Variants in PHLDB1 observed in about 807,000 individuals in gnomAD.
The protein encoded by PHLDB1 is pleckstrin homology-like domain family B member 1.
In PHLDB1, 65 loss-of-function variants were observed where a neutral mutation model predicts 139.3. That is an observed-to-expected ratio of 0.47 (90% CI 0.38 to 0.57). The LOEUF (loss-of-function observed/expected upper bound fraction) is 0.57, where lower values mean the gene tolerates loss of function less well. Ranked by LOEUF, PHLDB1 falls within the 20% of genes least tolerant of loss-of-function variation. The pLI, the probability that PHLDB1 is intolerant of heterozygous loss-of-function variation, is 0.00. For missense variants in PHLDB1, 1,624 were observed against 1,839.7 expected (o/e 0.88, Z 2.14); for synonymous variants, 679 against 734.5 (o/e 0.92, Z 1.22).
At chr11:118,624,582 C>A in intron 4 of PHLDB1, 1 of 214,368 alleles carries the variant, frequency 4.7e-6, no homozygotes, top group Non-Finnish European at 8.7e-6. Flanking sequence ...TTCTCTCTTT[C>A]TTCCTTTCTT....
At chr11:118,630,382 A>G (rs1314757088) in intron 6 of PHLDB1, among the ~76,000 whole-genome samples, 1 of 152,206 alleles carries the variant, frequency 6.6e-6, no homozygotes, top group Non-Finnish European at 1.5e-5. Flanking sequence ...GTACTCACTC[A>G]TGGGCCTGGG....
Position 118,655,905 on chromosome 11 carries a change from A to G in PHLDB1, c.3993+13A>G. 6.2e-7 allele frequency: 1 copy of G among 1,603,040 alleles called. No individual in the cohort carries two copies. Among genetic ancestry groups the G allele is most frequent in the Non-Finnish European group, 8.5e-7 (1 of 1,170,082 alleles). ...TATGGTGACTGAGGTACCCCTCCCC[A>G]CTTAGCTGTAACCAGCACATTAACA... is the stretch of plus-strand genomic sequence containing the variant. On this transcript the variant is annotated intron_variant, in intron 22 of 22. Coordinates refer to ENST00000600882, the MANE Select transcript of PHLDB1 (RefSeq NM_001144758.3).
chr11:118,642,704 A>G (rs1382536629), intron 13 of PHLDB1, among the ~76,000 whole-genome samples: 1 of 152,196 alleles, frequency 6.6e-6, no homozygotes, highest in African/African-American at 2.4e-5. Context: ...GGTCTGGCCT[A>G]TGCTTGGCAG....
At chr11:118,638,692 G>A (rs1328073781) in intron 10 of PHLDB1, among the ~76,000 whole-genome samples, 199 bp from the exon 11 acceptor site, 2 of 152,172 alleles carry the variant, frequency 1.3e-5, no homozygotes, top group Non-Finnish European at 2.9e-5. Flanking sequence ...AGGGGTCATT[G>A]GTCAAGGGAG....
At position 118,643,900 on chromosome 11, in the gene PHLDB1, A is replaced by G. The variant is rs1052857657; in HGVS notation, c.2978A>G (p.Gln993Arg). The G allele has an allele frequency of 6.2e-7, 1 of 1,607,636 alleles. No individual in the cohort carries two copies. The highest frequency in any genetic ancestry group is 1.3e-5 in the African/African-American group (1 of 74,086). ...SSSGSSSSSS[Q>R]LSVATLGRSP... ...TCTGGCTCTTCCTCCTCCTCCTCCC[A>G]GCTCAGCGTGGCTACCCTGGGGCGT... Residue 993 changes from glutamine to arginine, a missense_variant, in exon 14 of 23, where the codon CAG (glutamine) becomes CGG (arginine). Coordinates refer to ENST00000600882, the MANE Select transcript of PHLDB1 (RefSeq NM_001144758.3).
intron 4 of PHLDB1, among the ~76,000 whole-genome samples, chr11:118,617,488 C>T (rs1555090704): frequency 2.0e-5 from 3 of 151,820 alleles, no homozygotes; most frequent in African/African-American, 2.4e-5. Context: ...TTTTTTGATA[C>T]GGAGTCTCAC....
At chr11:118,612,247 AG>A (rs1940589363) in intron 1 of PHLDB1, among the ~76,000 whole-genome samples, 1 of 152,222 alleles carries the variant, frequency 6.6e-6, no homozygotes, top group South Asian at 2.1e-4. Flanking sequence ...AAATAAAGTC[AG>A]GGTAGAATTT....
rs1167241328 is a variant in PHLDB1, at chr11:118,627,285, A to T, written c.482-20A>T. On this transcript the variant is annotated intron_variant, in intron 5 of 22. Coordinates refer to ENST00000600882, the MANE Select transcript of PHLDB1 (RefSeq NM_001144758.3). ...CATATGCAGCTCCCTAAAGTCAAAG[A>T]CCTTTGCATTTCCCTCCAGCAGAAT... 6.2e-7 allele frequency: 1 copy of T among 1,611,350 alleles called. No individual in the cohort carries two copies. Among genetic ancestry groups the T allele is most frequent in the African/African-American group, 1.3e-5 (1 of 74,708 alleles).
In PHLDB1 at chr11:118,616,076, T is replaced by C. The variant is rs782549042; in HGVS notation, c.220T>C (p.Ser74Pro). The change falls in exon 4 of 23, where the codon TCA becomes CCA. Residue 74 changes from serine (S) to proline (P), a missense_variant. By Grantham distance (74) the Ser-to-Pro change is moderately conservative. Coordinates refer to ENST00000600882, the MANE Select transcript of PHLDB1 (RefSeq NM_001144758.3). ...GATTGGCTCTGCAGCCAGAGACATCTCACTACAGGGCCCAGGCCTGGCTCC... is the reference window on the plus strand; with the variant it reads ...GATTGGCTCTGCAGCCAGAGACATCCCACTACAGGGCCCAGGCCTGGCTCC... Reference protein sequence around the residue: ...TVIGSAARDISLQGPGLAPEH... With the variant: ...TVIGSAARDIPLQGPGLAPEH... 6.2e-7 allele frequency: 1 copy of C among 1,614,034 alleles called. No homozygotes were observed. The highest frequency in any genetic ancestry group is 1.1e-5 in the South Asian group (1 of 91,086).
chr11:118,644,439 G>C, intron 15 of PHLDB1: 1 of 513,356 alleles, frequency 1.9e-6, no homozygotes, highest in South Asian at 2.1e-5. Context: ...GTTGACCTGA[G>C]TCGGGTTAGA....
intron 1 of PHLDB1, among the ~76,000 whole-genome samples, chr11:118,607,966 C>G (rs45578540): frequency 2.4e-4 from 37 of 152,144 alleles, no homozygotes; most frequent in Non-Finnish European, 3.7e-4. Flanking sequence ...TGACGCTCTC[C>G]CCCCCTTGGA....
chr11:118,628,199 C>T lies in PHLDB1; in HGVS notation c.1376C>T (p.Pro459Leu), dbSNP rs781967890. The change falls in exon 6 of 23, where the codon CCC (proline) becomes CTC (leucine). Residue 459 changes from proline to leucine, a missense_variant. Coordinates refer to ENST00000600882, the MANE Select transcript of PHLDB1 (RefSeq NM_001144758.3). ...RGLDSMRELP[P>L]LSPSLSRRAL... is the part of the protein sequence containing the mutation. The stretch of plus-strand genomic sequence containing the variant: ...CTGGACAGTATGCGAGAACTACCCC[C>T]CTTAAGTCCATCTCTGTCCCGGCGA... 8 of 1,613,980 alleles carry T rather than the reference C, an allele frequency of 5.0e-6. No individual in the cohort carries two copies. In the African/African-American group the frequency reaches 6.7e-5, roughly 13 times the overall value.
chr11:118,640,406 C>T (rs1946322786), intron 12 of PHLDB1: 1 of 152,262 alleles, frequency 6.6e-6, no homozygotes, highest in African/African-American at 2.4e-5. Flanking sequence ...ACCATGCTCC[C>T]AGCACCCAGA....
At chr11:118,655,807 G>GAGGC in intron 21 of PHLDB1, 53 bp from the exon 22 acceptor site, 1 of 1,564,912 alleles carries the variant, frequency 6.4e-7, no homozygotes, top group Non-Finnish European at 8.8e-7. Context: ...CTCCAACCCA[G>GAGGC]TCCTTGTTCT....
chr11:118,610,711 G>A lies in PHLDB1; in HGVS notation c.-22+3012G>A, dbSNP rs1031005645. ...CCCTTCCTTGGCCTCCTTCAGGCGG[G>A]GGCCAAGACCCCCGAGAGTTCACTC... On this transcript the variant is annotated intron_variant, in intron 1 of 22. Transcript: ENST00000600882. This position sits in a 1 kb window ranked among gnomAD's most constrained non-coding sequence, Gnocchi z 8.7. Among the ~76,000 whole-genome samples, 3 of 152,226 alleles carry A rather than the reference G, an allele frequency of 2.0e-5. No individual in the cohort carries two copies. Among genetic ancestry groups the A allele is most frequent in the Non-Finnish European group, 4.4e-5 (3 of 68,034 alleles).
In PHLDB1 at chr11:118,616,091, G is replaced by A. The variant is rs782561836; in HGVS notation, c.235G>A (p.Gly79Ser). 6.2e-7 allele frequency: 1 copy of A among 1,614,138 alleles called. No homozygotes were observed. The highest frequency in any genetic ancestry group is 1.7e-5 in the Admixed American group (1 of 60,028). ...AARDISLQGP[G>S]LAPEHCYIEN... ...CAGAGACATCTCACTACAGGGCCCA[G>A]GCCTGGCTCCAGAGCACTGCTACAT... Residue 79 changes from glycine to serine, a missense_variant, in exon 4 of 23, where the codon GGC becomes AGC. Physicochemically the swap from Gly to Ser is moderately conservative, Grantham distance 56. Transcript: ENST00000600882.
At chr11:118,651,144 A>G (rs1364882980) in intron 20 of PHLDB1, 1 of 153,790 alleles carries the variant, frequency 6.5e-6, no homozygotes, top group African/African-American at 2.4e-5. Flanking sequence ...ATGCTGTGTT[A>G]TACCCTAGTC....
rs369864328 is a variant in PHLDB1, at chr11:118,645,672, G to A, written c.3416+22G>A. The A allele has an allele frequency of 1.5e-4, 239 of 1,613,144 alleles. No homozygotes were observed. Among genetic ancestry groups the A allele is most frequent in the Non-Finnish European group, 1.9e-4 (221 of 1,179,300 alleles). On this transcript the variant is annotated intron_variant, in intron 16 of 22. Coordinates refer to ENST00000600882, the MANE Select transcript of PHLDB1 (RefSeq NM_001144758.3). This position sits in a 1 kb window ranked among gnomAD's most constrained non-coding sequence, Gnocchi z 5.1. ...CCAGGTACACCCGACGCCTGGGCCCGCAGCCTCCCTCAGCCACCGCCTCAG... is the reference window on the plus strand; with the variant it reads ...CCAGGTACACCCGACGCCTGGGCCCACAGCCTCCCTCAGCCACCGCCTCAG...
intron 4 of PHLDB1, among the ~76,000 whole-genome samples, chr11:118,618,781 A>C (rs538254495): frequency 2.0e-5 from 3 of 151,768 alleles, no homozygotes; most frequent in Non-Finnish European, 4.4e-5. Flanking sequence ...TGGGAATAAC[A>C]AGGAGTGTGC....
Sources: gnomAD v4.1 joint callset for allele counts (sites outside exome capture counted in the v4.1 genomes callset) on GRCh38, gnomAD v4.1.1 for gene constraint, Gnocchi (gnomAD v3.1) non-coding constraint, MANE v1.5 for transcripts, NCBI Gene and HGNC (gene_info 2026-07-23, HGNC 2026-07-21) for gene names.